Variants in KHDRBS2 observed in about 807,000 individuals in gnomAD.
KHDRBS2 encodes the protein KH domain-containing, RNA-binding, signal transduction-associated protein 2.
In KHDRBS2, 26 loss-of-function variants were observed where a neutral mutation model predicts 44.3. The ratio of observed to expected loss-of-function variants is 0.59; its 90% CI spans 0.43 to 0.81. The LOEUF (loss-of-function observed/expected upper bound fraction) is 0.81, where lower values mean the gene tolerates loss of function less well. Among genes scored for constraint, KHDRBS2 ranks in the 40% least tolerant of loss-of-function variants. The pLI, the probability that KHDRBS2 is intolerant of heterozygous loss-of-function variation, is 0.00. For missense variants in KHDRBS2, 476 were observed against 433.1 expected (o/e 1.10, Z -0.88); for synonymous variants, 194 against 151.1 (o/e 1.28, Z -2.08).
chr6:62,098,749 C>T (rs959147940), intron 2 of KHDRBS2, among the ~76,000 whole-genome samples: 2 of 152,160 alleles, frequency 1.3e-5, no homozygotes, highest in African/African-American at 4.8e-5. Context: ...TTGACATTCT[C>T]AAATCCCACT....
chr6:61,889,283 A>T (rs1269071121), intron 6 of KHDRBS2, among the ~76,000 whole-genome samples: 1 of 152,166 alleles, frequency 6.6e-6, no homozygotes, highest in South Asian at 2.1e-4. Context: ...GTAAAATTAC[A>T]CAGGTAGTGT....
intron 7 of KHDRBS2, among the ~76,000 whole-genome samples, chr6:61,702,408 T>G (rs1447979633): frequency 6.6e-6 from 1 of 151,926 alleles, no homozygotes; most frequent in African/African-American, 2.4e-5. Flanking sequence ...TAGCCTATTA[T>G]GTAGGAGAGA....
intron 1 of KHDRBS2, among the ~76,000 whole-genome samples, chr6:62,238,723 C>CAT (rs986669007): frequency 7.0e-6 from 1 of 142,088 alleles, no homozygotes; most frequent in Non-Finnish European, 1.6e-5. Context: ...CACACACACA[C>CAT]ATATATTTGA....
At chr6:62,134,288 G>A (rs1186775260) in intron 2 of KHDRBS2, among the ~76,000 whole-genome samples, 1 of 152,132 alleles carries the variant, frequency 6.6e-6, no homozygotes, top group African/African-American at 2.4e-5. Context: ...CTTGGACCGT[G>A]GCTTCAGAGG....
chr6:62,131,906 A>G (rs1414314513), intron 2 of KHDRBS2, among the ~76,000 whole-genome samples: 1 of 152,182 alleles, frequency 6.6e-6, no homozygotes, highest in African/African-American at 2.4e-5. Flanking sequence ...TGAGTATGTG[A>G]AAGGTTCTAA....
intron 6 of KHDRBS2, among the ~76,000 whole-genome samples, chr6:61,840,523 C>T (rs4513770): frequency 0.29 from 44,087 of 151,972 alleles, 6,429 homozygotes; most frequent in East Asian, 0.35. Context: ...TTAAAATCCT[C>T]CACAACCAAG....
chr6:61,643,305 A>C, the KHDRBS2 span, among the ~76,000 whole-genome samples: 3 of 152,188 alleles, frequency 2.0e-5, no homozygotes, highest in Non-Finnish European at 4.4e-5. Flanking sequence ...TATTGAATGA[A>C]TATGCCTCAG....
chr6:61,754,412 CTA>C (rs1183302159), intron 6 of KHDRBS2, among the ~76,000 whole-genome samples: 1 of 152,064 alleles, frequency 6.6e-6, no homozygotes, highest in Non-Finnish European at 1.5e-5. Context: ...AGTGAGCCTA[CTA>C]TTACATCCCC....
At chr6:61,749,698 G>A (rs1175024061) in intron 6 of KHDRBS2, among the ~76,000 whole-genome samples, 2 of 152,034 alleles carry the variant, frequency 1.3e-5, no homozygotes, top group African/African-American at 2.4e-5. Context: ...AAAATAAAAC[G>A]GAGAAAACAT....
At chr6:61,970,741 C>T in intron 4 of KHDRBS2, among the ~76,000 whole-genome samples, 1 of 152,094 alleles carries the variant, frequency 6.6e-6, no homozygotes. Flanking sequence ...CAGTGTTACG[C>T]CTCTCTTGCT....
At chr6:61,954,666 G>A (rs377163571) in intron 4 of KHDRBS2, among the ~76,000 whole-genome samples, 97 of 125,746 alleles carry the variant, frequency 7.7e-4, no homozygotes, top group African/African-American at 1.3e-3. Context: ...ATACATATGT[G>A]TATATACACA....
intron 2 of KHDRBS2, among the ~76,000 whole-genome samples, chr6:62,139,738 T>C (rs961806722): frequency 1.8e-4 from 27 of 152,252 alleles, no homozygotes; most frequent in African/African-American, 6.3e-4. Context: ...ATGAGAAGAA[T>C]AAGTTCATTG....
intron 6 of KHDRBS2, among the ~76,000 whole-genome samples, chr6:61,792,816 G>C (rs1177007143): frequency 6.6e-6 from 1 of 151,906 alleles, no homozygotes; most frequent in South Asian, 2.1e-4. Context: ...CGGTATCAGA[G>C]AGATGTCAGC....
At chr6:62,037,202 G>C (rs898150371) in intron 3 of KHDRBS2, among the ~76,000 whole-genome samples, 2 of 151,774 alleles carry the variant, frequency 1.3e-5, no homozygotes, top group African/African-American at 4.8e-5. Context: ...TATAGAACTG[G>C]AATCCTGAAA....
chr6:62,039,522 A>T (rs1786024491), intron 3 of KHDRBS2, among the ~76,000 whole-genome samples: 1 of 151,988 alleles, frequency 6.6e-6, no homozygotes, highest in African/African-American at 2.4e-5. Context: ...ATTTTTCTCT[A>T]ATATAACAAT....
chr6:61,938,138 G>C (rs1811391257), intron 4 of KHDRBS2, among the ~76,000 whole-genome samples: 1 of 152,038 alleles, frequency 6.6e-6, no homozygotes, highest in Non-Finnish European at 1.5e-5. Flanking sequence ...ATAAATATAA[G>C]TCTCAATATC....
At chr6:62,103,182 T>C (rs927872888) in intron 2 of KHDRBS2, among the ~76,000 whole-genome samples, 1 of 152,128 alleles carries the variant, frequency 6.6e-6, no homozygotes, top group African/African-American at 2.4e-5. Context: ...CAGCCCAGCT[T>C]CCAGGCTTCC....
intron 6 of KHDRBS2, among the ~76,000 whole-genome samples, chr6:61,769,905 C>T (rs554748727): frequency 1.3e-5 from 2 of 152,196 alleles, no homozygotes; most frequent in Non-Finnish European, 2.9e-5. Flanking sequence ...GGGTCCCTGA[C>T]CCCCAAGTAG....
chr6:61,888,762 C>T (rs1801358880), intron 6 of KHDRBS2, among the ~76,000 whole-genome samples: 2 of 151,784 alleles, frequency 1.3e-5, no homozygotes, highest in African/African-American at 2.4e-5. Flanking sequence ...GGGGTTTCAC[C>T]GTGTTAACCA....
Sources: allele counts gnomAD v4.1 joint callset (sites outside exome capture counted in the v4.1 genomes callset), GRCh38; gene constraint gnomAD v4.1.1; transcripts MANE v1.5; gene names NCBI Gene and HGNC (gene_info 2026-07-23, HGNC 2026-07-21).